NOS1: variants seen among roughly 807,000 people sequenced by gnomAD.
NOS1 encodes the protein NOS type I.
Under a neutral mutation model 164.5 loss-of-function variants are expected in NOS1, and 51 were observed. That is an observed-to-expected ratio of 0.31 (90% CI 0.25 to 0.39). The LOEUF is 0.39. NOS1 is among the 10% of genes least tolerant of loss of function. The probability of loss-of-function intolerance (pLI) is 1.00; values close to 1 mark genes in which losing one functional copy is unlikely to be tolerated. For synonymous variants in NOS1, 719 were observed against 745.8 expected (o/e 0.96, Z 0.59); for missense variants, 1,362 against 1,885.6 (o/e 0.72, Z 5.14).
chr12:117,275,645 T>C (rs759808711), intron 9 of NOS1, among the ~76,000 whole-genome samples: 1 of 152,162 alleles, frequency 6.6e-6, no homozygotes, highest in Non-Finnish European at 1.5e-5. Context: ...GAAGAAAGGA[T>C]AGTGAATGTT....
intron 14 of NOS1, among the ~76,000 whole-genome samples, chr12:117,259,771 T>C (rs1207926120): frequency 1.3e-5 from 2 of 152,040 alleles, no homozygotes; most frequent in African/African-American, 2.4e-5. Context: ...CTTTTGGAGA[T>C]TAGAACACAT....
intron 16 of NOS1, chr12:117,255,866 G>A: frequency 1.1e-6 from 1 of 901,920 alleles, no homozygotes; most frequent in Non-Finnish European, 1.6e-6. Context: ...GTGTGGCCTG[G>A]GATGCTCAGG....
Position 117,290,167 on chromosome 12 carries a change from G to T in NOS1, c.981+131C>A, listed in dbSNP as rs191781461. ...GAAGGGGGCGTACTGACATCTAGGG[G>T]GTATGGGTCAGGGGTGGTGCTCAAC... is the stretch of plus-strand genomic sequence containing the variant. On this transcript the variant is annotated intron_variant, in intron 4 of 28. Transcript: ENST00000317775. 6 of 1,049,462 alleles carry T rather than the reference G, an allele frequency of 5.7e-6. No homozygotes were observed. In the East Asian group the frequency reaches 1.7e-4, roughly 29 times the overall value. The allele number at this position is 1,049,462 out of a possible 1,614,324, so 65.0% of individuals were successfully genotyped here.
Position 117,252,114 on chromosome 12 carries a change from G to A in NOS1, c.2648+1524C>T, listed in dbSNP as rs571590545. 1.5e-4 allele frequency among the ~76,000 whole-genome samples: 23 copies of A among 152,272 alleles called. No homozygotes were observed. The South Asian group carries it at 2.7e-3, about 18-fold the overall frequency. ...CAAGAAGCAAAATTGAAGCTATTAC[G>A]TAGGTACTTACAAAACAAGAAAGAA... On this transcript the variant is annotated intron_variant, in intron 17 of 28. Transcript: ENST00000317775.
intron 3 of NOS1, among the ~76,000 whole-genome samples, chr12:117,308,678 C>T (rs1874278635): frequency 6.6e-6 from 1 of 151,628 alleles, no homozygotes. Flanking sequence ...CTGACTGCAA[C>T]CTCTGCCTCC....
chr12:117,318,878 C>T (rs1219546977), intron 2 of NOS1, among the ~76,000 whole-genome samples: 1 of 152,160 alleles, frequency 6.6e-6, no homozygotes, highest in African/African-American at 2.4e-5. Flanking sequence ...CTTCTCCTGG[C>T]CCTGCATGCT....
At chr12:117,250,927 G>A (rs1871053581) in intron 17 of NOS1, among the ~76,000 whole-genome samples, 1 of 152,142 alleles carries the variant, frequency 6.6e-6, no homozygotes, top group Non-Finnish European at 1.5e-5. Flanking sequence ...ACTCATTTGT[G>A]TTTTTGAACT....
intron 1 of NOS1, among the ~76,000 whole-genome samples, chr12:117,333,393 T>G (rs1375141807): frequency 6.6e-6 from 1 of 152,110 alleles, no homozygotes; most frequent in Non-Finnish European, 1.5e-5. Flanking sequence ...GACACTCACT[T>G]CCTCATTTCC....
chr12:117,351,080 CT>C (rs1197554176), intron 1 of NOS1, among the ~76,000 whole-genome samples: 1 of 151,818 alleles, frequency 6.6e-6, no homozygotes, highest in Non-Finnish European at 1.5e-5. Context: ...CGCCACTGCA[CT>C]CCAGCCTGGG....
In NOS1 at chr12:117,319,359, G is replaced by C. The variant is rs567590816; in HGVS notation, c.726-7767C>G. On this transcript the variant is annotated intron_variant, in intron 2 of 28. Transcript: ENST00000317775. ...AGCCCCCACACCTGGCCAAAAGTAT[G>C]CTTTCAAGAGGAGGAATTCTACCAT... Among the ~76,000 whole-genome samples, 310 of 152,342 alleles carry C rather than the reference G, an allele frequency of 2.0e-3. 2 individuals carry two copies. Among genetic ancestry groups the C allele is most frequent in the Non-Finnish European group, 3.2e-3 (215 of 68,046 alleles).
chr12:117,286,261 C>T lies in NOS1; in HGVS notation c.1133G>A (p.Gly378Asp). The stretch of plus-strand genomic sequence containing the variant: ...CAGCCTTTCCATGTGGGCTTTGGAG[C>T]CAAATCTGAGTGAAGAGGAAGGGAC... Reference protein sequence around the residue: ...DQYYSSIKRFGSKAHMERLEE... With the variant: ...DQYYSSIKRFDSKAHMERLEE... The change falls in exon 6 of 29, where the codon GGC becomes GAC. Residue 378 changes from glycine to aspartate, a missense_variant. By Grantham distance (94) the Gly-to-Asp change is moderately conservative. Around this residue, in one of 4 missense-constraint regions of NOS1, gnomAD observed 129 missense variants for 186.0 expected, o/e 0.69. Coordinates refer to ENST00000317775, the MANE Select transcript of NOS1 (RefSeq NM_000620.5). 1 of 1,614,098 alleles carries T rather than the reference C, an allele frequency of 6.2e-7. No individual in the cohort carries two copies. The highest frequency in any genetic ancestry group is 8.5e-7 in the Non-Finnish European group (1 of 1,180,008).
chr12:117,235,992 G>C (rs931731561), intron 20 of NOS1, among the ~76,000 whole-genome samples: 4 of 151,310 alleles, frequency 2.6e-5, no homozygotes, highest in East Asian at 3.9e-4. Context: ...GCAATGAGCA[G>C]AAACTGCACC....
At chr12:117,287,395 C>T (rs755686445) in intron 5 of NOS1, among the ~76,000 whole-genome samples, 11 of 151,840 alleles carry the variant, frequency 7.2e-5, no homozygotes, top group Non-Finnish European at 1.5e-4. Context: ...TGGAATATAC[C>T]ATAACTTACC....
intron 1 of NOS1, among the ~76,000 whole-genome samples, chr12:117,336,319 C>T (rs1209146840): frequency 6.6e-6 from 1 of 152,216 alleles, no homozygotes; most frequent in African/African-American, 2.4e-5. Flanking sequence ...AGAGGAGCCA[C>T]CAAGCCTATC....
rs190492371 is a variant in NOS1, at chr12:117,220,111, C to G, written c.4134G>C (p.Ser1378=). 3 of 1,613,134 alleles carry G rather than the reference C, an allele frequency of 1.9e-6. No individual in the cohort carries two copies. The highest frequency in any genetic ancestry group is 2.5e-6 in the Non-Finnish European group (3 of 1,179,572). Residue 1378 remains serine (S), a synonymous_variant, in exon 27 of 29, where the codon TCG becomes TCC. Transcript: ENST00000317775. The stretch of plus-strand genomic sequence containing the variant: ...TGATGAATACGCCGGCGTCCTCTGC[C>G]GAGAGCTTCCCCTGCTGGGTCATGA... ...QRIMTQQGKL[S]AEDAGVFISR...
intron 10 of NOS1, among the ~76,000 whole-genome samples, chr12:117,269,157 A>T (rs1872629697): frequency 6.6e-6 from 1 of 152,132 alleles, no homozygotes; most frequent in Non-Finnish European, 1.5e-5. Context: ...GTAGTCAGGG[A>T]AGGCCCACTG....
intron 2 of NOS1, among the ~76,000 whole-genome samples, chr12:117,327,472 A>C (rs1412703518): frequency 6.6e-6 from 1 of 152,164 alleles, no homozygotes; most frequent in Non-Finnish European, 1.5e-5. Context: ...CCTCCACTGG[A>C]TGTGCTGCTG....
chr12:117,292,210 A>G (rs1873108341), intron 3 of NOS1, among the ~76,000 whole-genome samples: 2 of 152,196 alleles, frequency 1.3e-5, no homozygotes, highest in South Asian at 2.1e-4. Flanking sequence ...GTAAACTAAT[A>G]TAGGGTCAGT....
Position 117,266,485 on chromosome 12 carries a change from CAT to C in NOS1, c.1942-977_1942-976del, listed in dbSNP as rs577241022. Among the ~76,000 whole-genome samples, 204 of 152,036 alleles carry C rather than the reference CAT, an allele frequency of 1.3e-3. 2 individuals are homozygous for C. Among genetic ancestry groups the C allele is most frequent in the African/African-American group, 4.6e-3 (192 of 41,490 alleles). On this transcript the variant is annotated intron_variant, in intron 11 of 28. Coordinates refer to ENST00000317775, the MANE Select transcript of NOS1 (RefSeq NM_000620.5). ...CAATTGCGAATTGTGCTGTTATAAA[CAT>C]GTGTGTGCAAGTATCTTTTTTGTAT...
Sources: allele counts gnomAD v4.1 joint callset (sites outside exome capture counted in the v4.1 genomes callset), GRCh38; gene constraint gnomAD v4.1.1; regional missense constraint gnomAD v4.1.1; transcripts MANE v1.5; gene names NCBI Gene and HGNC (gene_info 2026-07-23, HGNC 2026-07-21).